Variants in ATXN2 observed in about 807,000 individuals in gnomAD.
ATXN2 encodes the protein ataxin-2.
ATXN2 carries 37 observed loss-of-function variants against 138.6 expected under a neutral mutation model. That is an observed-to-expected ratio of 0.27 (90% CI 0.21 to 0.35). ATXN2 has a LOEUF of 0.35. Ranked by LOEUF, ATXN2 falls within the 10% of genes least tolerant of loss-of-function variation. The pLI is 1.00. For synonymous variants in ATXN2, 549 were observed against 543.7 expected (o/e 1.01, Z -0.13); for missense variants, 1,216 against 1,480.3 (o/e 0.82, Z 2.93).
chr12:111,521,566 G>A (rs781704602), intron 6 of ATXN2, among the ~76,000 whole-genome samples: 6 of 152,152 alleles, frequency 3.9e-5, no homozygotes, highest in Non-Finnish European at 7.3e-5. Context: ...AGCATGAAAC[G>A]GTGAACAGGC....
chr12:111,511,110 G>A (rs576748500), intron 11 of ATXN2: 1 of 152,576 alleles, frequency 6.6e-6, no homozygotes, highest in African/African-American at 2.4e-5. Context: ...AAAAGGGGAA[G>A]ATAATAAAAG....
chr12:111,486,393 G>A (rs896650988), intron 16 of ATXN2, among the ~76,000 whole-genome samples: 3 of 152,150 alleles, frequency 2.0e-5, no homozygotes, highest in Non-Finnish European at 4.4e-5. Context: ...ACAAGGAAAC[G>A]TCTGCATGTG....
At chr12:111,583,031 CGCCCAGGCTG>C (rs1884104591) in intron 1 of ATXN2, among the ~76,000 whole-genome samples, 1 of 134,830 alleles carries the variant, frequency 7.4e-6, no homozygotes, top group African/African-American at 2.8e-5. Flanking sequence ...CTCGTTCTGT[CGCCCAGGCTG>C]GAGTGCAGTG....
chr12:111,576,158 G>C (rs1883636976), intron 1 of ATXN2, among the ~76,000 whole-genome samples: 1 of 136,924 alleles, frequency 7.3e-6, no homozygotes. Context: ...CAAACCAATA[G>C]TCTGGCCGGG....
At chr12:111,570,312 A>C (rs1883248906) in intron 1 of ATXN2, among the ~76,000 whole-genome samples, 2 of 152,186 alleles carry the variant, frequency 1.3e-5, no homozygotes, top group South Asian at 4.1e-4. Context: ...AGGAGAGGGG[A>C]GTATAGCTGA....
At chr12:111,474,410 A>G (rs754490723) in intron 18 of ATXN2, among the ~76,000 whole-genome samples, 1 of 152,086 alleles carries the variant, frequency 6.6e-6, no homozygotes, top group Non-Finnish European at 1.5e-5. Flanking sequence ...AAAAAAACAA[A>G]AAACAAACAA....
At chr12:111,468,193 A>T (rs935696049) in intron 20 of ATXN2, among the ~76,000 whole-genome samples, 3 of 152,282 alleles carry the variant, frequency 2.0e-5, no homozygotes, top group Admixed American at 2.0e-4. Flanking sequence ...AGCCAGCATG[A>T]TAAATCAATC....
Position 111,516,213 on chromosome 12 carries a change from G to C in ATXN2, c.1316C>G (p.Pro439Arg), listed in dbSNP as rs1353122236. Reference protein sequence around the residue: ...PSRPSRPPSHPSAHGSPAPVS... With the variant: ...PSRPSRPPSHRSAHGSPAPVS... Reference sequence around the variant, plus strand: ...AGGAGCTGGAGAACCATGAGCAGAGGGGTGAGACGGGGGTCTGGATGGCCG... The same window carrying C: ...AGGAGCTGGAGAACCATGAGCAGAGCGGTGAGACGGGGGTCTGGATGGCCG... The change falls in exon 10 of 25, where the codon CCC becomes CGC. Residue 439 changes from proline (P) to arginine (R), a missense_variant. Pro to Arg is a moderately radical substitution (Grantham distance 103). Coordinates refer to ENST00000673436, the MANE Select transcript of ATXN2 (RefSeq NM_001372574.1). This position sits in a 1 kb window ranked among gnomAD's most constrained non-coding sequence, Gnocchi z 5.0. The C allele has an allele frequency of 6.3e-7, 1 of 1,578,616 alleles. No individual in the cohort carries two copies. The highest frequency in any genetic ancestry group is 2.3e-5 in the East Asian group (1 of 44,096).
chr12:111,570,357 C>T (rs1883250784), intron 1 of ATXN2, among the ~76,000 whole-genome samples: 4 of 152,192 alleles, frequency 2.6e-5, no homozygotes, highest in Admixed American at 2.6e-4. Flanking sequence ...ACTGCTAAAG[C>T]TGAGTGACAG....
chr12:111,520,818 T>C (rs1451584865), intron 7 of ATXN2, 64 bp downstream of exon 7: 2 of 911,816 alleles, frequency 2.2e-6, no homozygotes, highest in African/African-American at 3.4e-5. Flanking sequence ...TTATTCATCA[T>C]AAATTAAGCT....
intron 14 of ATXN2, among the ~76,000 whole-genome samples, chr12:111,494,779 C>G (rs762816857): frequency 1.3e-5 from 2 of 151,480 alleles, no homozygotes; most frequent in African/African-American, 2.4e-5. Context: ...AAATATAAAG[C>G]AGGAAATTAA....
chr12:111,466,709 A>C (rs557871732), intron 20 of ATXN2, among the ~76,000 whole-genome samples: 3 of 152,216 alleles, frequency 2.0e-5, no homozygotes, highest in Non-Finnish European at 4.4e-5. Flanking sequence ...TAGTGGTCCT[A>C]TGTTTTCAAT....
At chr12:111,492,225 A>G (rs556207999) in intron 14 of ATXN2, among the ~76,000 whole-genome samples, 2 of 152,330 alleles carry the variant, frequency 1.3e-5, no homozygotes, top group Admixed American at 1.3e-4. Context: ...CTGCCTGGTA[A>G]TACAGGGAAT....
intron 5 of ATXN2, among the ~76,000 whole-genome samples, chr12:111,535,907 G>A (rs1222953028): frequency 6.7e-6 from 1 of 150,326 alleles, no homozygotes; most frequent in Non-Finnish European, 1.5e-5. Flanking sequence ...GGCTGAGGCA[G>A]GAGAATGGCG....
At chr12:111,525,506 T>C (rs551912969) in intron 5 of ATXN2, among the ~76,000 whole-genome samples, 190 bp from the exon 6 acceptor site, 1 of 152,272 alleles carries the variant, frequency 6.6e-6, no homozygotes, top group East Asian at 1.9e-4. Context: ...AAAAGACCAA[T>C]GCACTATAAT....
chr12:111,594,908 C>G (rs1022960928), intron 1 of ATXN2, among the ~76,000 whole-genome samples: 2 of 152,160 alleles, frequency 1.3e-5, no homozygotes, highest in Non-Finnish European at 2.9e-5. Context: ...ACCAAGTACC[C>G]TCATTAATAA....
chr12:111,466,246 C>T (rs1876013282), intron 20 of ATXN2, among the ~76,000 whole-genome samples: 1 of 151,080 alleles, frequency 6.6e-6, no homozygotes, highest in African/African-American at 2.4e-5. Flanking sequence ...CGCCTGTAAT[C>T]CCAGCACTTT....
intron 5 of ATXN2, among the ~76,000 whole-genome samples, chr12:111,544,491 GA>G (rs1481119300): frequency 6.6e-6 from 1 of 152,162 alleles, no homozygotes; most frequent in Non-Finnish European, 1.5e-5. Flanking sequence ...GGAGCACAAA[GA>G]GCTCAAACTG....
intron 11 of ATXN2, chr12:111,513,129 T>C (rs1879642721): frequency 2.0e-6 from 1 of 494,176 alleles, no homozygotes; most frequent in Non-Finnish European, 3.5e-6. Flanking sequence ...ATTAACACTT[T>C]ACTCACTGCG....
Sources: gnomAD v4.1 joint callset for allele counts (sites outside exome capture counted in the v4.1 genomes callset) on GRCh38, gnomAD v4.1.1 for gene constraint, Gnocchi (gnomAD v3.1) non-coding constraint, MANE v1.5 for transcripts, NCBI Gene and HGNC (gene_info 2026-07-23, HGNC 2026-07-21) for gene names.